ADAP1: variants seen among roughly 807,000 people sequenced by gnomAD.
ADAP1 encodes ArfGAP with dual PH domains 1, also known as arf-GAP with dual PH domain-containing protein 1.
ADAP1 carries 31 observed loss-of-function variants against 54.9 expected under a neutral mutation model. That is an observed-to-expected ratio of 0.56 (90% confidence interval 0.42 to 0.76). The LOEUF is 0.76. Ranked by LOEUF, ADAP1 falls within the 30% of genes least tolerant of loss-of-function variation. ADAP1 has a pLI of 0.00. For missense variants in ADAP1, 535 were observed against 512.4 expected (o/e 1.04, Z -0.42); for synonymous variants, 313 against 202.6 (o/e 1.55, Z -4.63).
intron 1 of ADAP1, 30 bp from the exon 2 acceptor site, chr7:935,535 G>C (rs1293853204): frequency 1.0e-5 from 16 of 1,554,740 alleles, no homozygotes; most frequent in Non-Finnish European, 1.4e-5. Flanking sequence ...GTTCACGGAG[G>C]CTCAGCCCAG....
chr7:931,645 T>C (rs375116660), intron 2 of ADAP1, among the ~76,000 whole-genome samples: 2 of 152,188 alleles, frequency 1.3e-5, no homozygotes, highest in South Asian at 2.1e-4. Context: ...TCAGCGAAGG[T>C]TGCACAACTC....
Position 954,463 on chromosome 7 carries a change from C to T in ADAP1, c.15G>A (p.Arg5=). ...GCAGCAGCTCCAGGACCGCCCTGCG[C>T]CGCTCCTTGGCCATGGCCGCGATGC... The part of the protein sequence containing the change: MAKE[R]RRAVLELLQR... The change falls in exon 1 of 11, where the codon CGG becomes CGA. Residue 5 remains arginine (R), a synonymous_variant. Coordinates refer to ENST00000265846, the MANE Select transcript of ADAP1 (RefSeq NM_006869.4). 1 of 1,063,268 alleles carries T rather than the reference C, an allele frequency of 9.4e-7. No homozygotes were observed. Among genetic ancestry groups the T allele is most frequent in the Non-Finnish European group, 1.1e-6 (1 of 880,600 alleles). 65.9% of individuals were successfully genotyped at this position (1,063,268 alleles called of 1,614,324 possible).
chr7:910,482 C>G (rs986782539), intron 4 of ADAP1, among the ~76,000 whole-genome samples: 6 of 152,164 alleles, frequency 3.9e-5, no homozygotes, highest in Non-Finnish European at 7.4e-5. Context: ...AACTTCTGAG[C>G]TCAGGTGACC....
chr7:902,014 G>C (rs566811781), intron 6 of ADAP1, among the ~76,000 whole-genome samples: 1 of 152,122 alleles, frequency 6.6e-6, no homozygotes, highest in African/African-American at 2.4e-5. Context: ...CCACGCTGGA[G>C]CTCTGTGACC....
chr7:927,795 C>A (rs961614246), intron 2 of ADAP1, among the ~76,000 whole-genome samples: 1 of 152,002 alleles, frequency 6.6e-6, no homozygotes, highest in Admixed American at 6.6e-5. Context: ...AGCCTCGACC[C>A]GAGACACAGG....
intron 4 of ADAP1, among the ~76,000 whole-genome samples, chr7:915,420 G>A (rs946630983): frequency 1.3e-5 from 2 of 152,232 alleles, no homozygotes; most frequent in Non-Finnish European, 2.9e-5. Context: ...TGCTGCGGAC[G>A]TGGCCGCCCC....
In ADAP1 at chr7:919,125, C is replaced by T. The variant is rs539139457; in HGVS notation, c.388+843G>A. On this transcript the variant is annotated intron_variant, in intron 4 of 10. Transcript: ENST00000265846. ...GCTCCAAGACGCTGCCTGGATGTTT[C>T]TGCCACCCGAGGGCCCCCAAGGGCA... Among the ~76,000 whole-genome samples the T allele has an allele frequency of 7.9e-5, 12 of 152,338 alleles. No homozygotes were observed. The South Asian group carries it at 2.5e-3, about 32-fold the overall frequency.
At chr7:909,426 C>T (rs908468375) in intron 4 of ADAP1, among the ~76,000 whole-genome samples, 1 of 138,198 alleles carries the variant, frequency 7.2e-6, no homozygotes, top group African/African-American at 3.0e-5. Context: ...AGCGGGAACC[C>T]CGGTCCTCCC....
At chr7:927,395 C>A in intron 2 of ADAP1, 1 of 521,162 alleles carries the variant, frequency 1.9e-6, no homozygotes, top group Non-Finnish European at 3.6e-6. Flanking sequence ...GGGGCCGCCA[C>A]ACCCCACGCC....
intron 1 of ADAP1, among the ~76,000 whole-genome samples, chr7:948,240 G>T (rs527870237): frequency 1.3e-5 from 2 of 151,818 alleles, no homozygotes; most frequent in East Asian, 3.9e-4. Context: ...CCTTGCCCGG[G>T]TGGGATCCCA....
At chr7:917,437 G>C (rs776629082) in intron 4 of ADAP1, among the ~76,000 whole-genome samples, 1 of 152,160 alleles carries the variant, frequency 6.6e-6, no homozygotes, top group Admixed American at 6.5e-5. Context: ...TACAACACCA[G>C]GACTGTGTTC....
chr7:915,074 A>T lies in ADAP1; in HGVS notation c.388+4894T>A, dbSNP rs909057615. On this transcript the variant is annotated intron_variant, in intron 4 of 10. Transcript: ENST00000265846. ...CCTGGTGCCTCCTGCGCGACCTGGA[A>T]GGTGCCGTGGCCCAAGGGAGACAGC... is the stretch of plus-strand genomic sequence containing the variant. 5.9e-5 allele frequency among the ~76,000 whole-genome samples: 9 copies of T among 151,876 alleles called. 2 individuals are homozygous for T. Among genetic ancestry groups the T allele is most frequent in the African/African-American group, 2.2e-4 (9 of 41,316 alleles).
In ADAP1 at chr7:900,383, G is replaced by T. The variant is rs1031611573; in HGVS notation, c.732+150C>A. The T allele has an allele frequency of 8.3e-6, 8 of 968,288 alleles. No individual in the cohort carries two copies. The East Asian group carries it at 1.8e-4, about 22-fold the overall frequency. 60.0% of individuals were successfully genotyped at this position (968,288 alleles called of 1,614,324 possible). On this transcript the variant is annotated intron_variant, in intron 7 of 10. Coordinates refer to ENST00000265846, the MANE Select transcript of ADAP1 (RefSeq NM_006869.4). ...CTGAAGTTCTAGAGTGAGGCAGGAG[G>T]GCTGCAGGCACGTCAGGGTGAGCCC...
chr7:930,122 A>C (rs1846521570), intron 2 of ADAP1, among the ~76,000 whole-genome samples: 1 of 149,714 alleles, frequency 6.7e-6, no homozygotes, highest in Non-Finnish European at 1.5e-5. Flanking sequence ...AAAAAAAAAA[A>C]AAAAACCCTC....
intron 4 of ADAP1, among the ~76,000 whole-genome samples, chr7:918,407 G>T (rs991617429): frequency 1.3e-5 from 2 of 152,156 alleles, no homozygotes; most frequent in African/African-American, 4.8e-5. Flanking sequence ...TAAAGGGAGG[G>T]CATCTTAGAT....
chr7:905,356 C>CAGGGAA (rs749207185), intron 4 of ADAP1, 184 bp from the exon 5 acceptor site: 6 of 234,732 alleles, frequency 2.6e-5, no homozygotes, highest in Non-Finnish European at 3.7e-5. Context: ...GGAAGATGGG[C>CAGGGAA]AGGGAAAGGG....
intron 4 of ADAP1, among the ~76,000 whole-genome samples, chr7:908,667 C>T (rs1845579455): frequency 6.6e-6 from 1 of 152,160 alleles, no homozygotes; most frequent in East Asian, 1.9e-4. Flanking sequence ...ACGGCTCTGC[C>T]TCCGACATCA....
intron 4 of ADAP1, among the ~76,000 whole-genome samples, chr7:907,238 C>T (rs183014834): frequency 6.6e-6 from 1 of 152,164 alleles, no homozygotes; most frequent in Non-Finnish European, 1.5e-5. Flanking sequence ...CTGGACACGC[C>T]ACCTTCTATG....
intron 1 of ADAP1, among the ~76,000 whole-genome samples, chr7:943,545 G>A (rs111210994): frequency 2.0e-4 from 1 of 5,026 alleles, no homozygotes; most frequent in African/African-American, 5.2e-3. Context: ...GAGGAGGAAG[G>A]GAGGAGGAGG....
Sources: gnomAD v4.1 joint callset for allele counts (sites outside exome capture counted in the v4.1 genomes callset) on GRCh38, gnomAD v4.1.1 for gene constraint, MANE v1.5 for transcripts, NCBI Gene and HGNC (gene_info 2026-07-23, HGNC 2026-07-21) for gene names.